The following NOL10 variants were observed in gnomAD, a reference collection of about 807,000 sequenced individuals.
The protein encoded by NOL10 is H_NH0074G24.1.
Under a neutral mutation model 103.5 loss-of-function variants are expected in NOL10, and 58 were observed. The ratio of observed to expected loss-of-function variants is 0.56; its 90% CI spans 0.45 to 0.70. The LOEUF is 0.70. NOL10 is among the 30% of genes least tolerant of loss of function. NOL10 has a pLI of 0.00. For synonymous variants in NOL10, 287 were observed against 282.5 expected (o/e 1.02, Z -0.16); for missense variants, 763 against 807.3 (o/e 0.95, Z 0.67).
intron 13 of NOL10, among the ~76,000 whole-genome samples, chr2:10,627,682 A>C (rs1473407235): frequency 7.0e-6 from 1 of 142,352 alleles, no homozygotes; most frequent in Non-Finnish European, 1.5e-5. Flanking sequence ...CTCAAAAAAA[A>C]CAAACAAACA....
intron 2 of NOL10, among the ~76,000 whole-genome samples, chr2:10,682,361 T>C (rs929307260): frequency 6.6e-6 from 1 of 151,782 alleles, no homozygotes; most frequent in East Asian, 1.9e-4. Flanking sequence ...GTATCAAACA[T>C]CCAGTGTTAC....
At chr2:10,609,258 C>A (rs1676421339) in intron 13 of NOL10, among the ~76,000 whole-genome samples, 1 of 142,898 alleles carries the variant, frequency 7.0e-6, no homozygotes, top group South Asian at 2.2e-4. Context: ...TTAAAAAAAA[C>A]TAGGGAAGGC....
At chr2:10,595,598 G>A (rs74171491) in intron 17 of NOL10, among the ~76,000 whole-genome samples, 2 of 78,130 alleles carry the variant, frequency 2.6e-5, no homozygotes, top group African/African-American at 8.6e-5. Flanking sequence ...GTTTTGTTTT[G>A]TTTTTGTTTG....
intron 17 of NOL10, among the ~76,000 whole-genome samples, chr2:10,598,819 T>C (rs1675832074): frequency 6.6e-6 from 1 of 152,136 alleles, no homozygotes; most frequent in African/African-American, 2.4e-5. Context: ...GAAAATAAAA[T>C]ACTCAATTAG....
Position 10,589,563 on chromosome 2 carries a change from TAAG to T in NOL10, c.1596+12_1596+14del, listed in dbSNP as rs759277291. 147 of 1,532,184 alleles carry T rather than the reference TAAG, an allele frequency of 9.6e-5. No homozygotes were observed. Among genetic ancestry groups the T allele is most frequent in the Admixed American group, 1.6e-4 (7 of 45,114 alleles). The allele number at this position is 1,532,184 out of a possible 1,614,324, so 94.9% of individuals were successfully genotyped here. A position where few individuals can be genotyped will look rare whatever the true frequency, so the allele number is the denominator to read the frequency against. On this transcript the variant is annotated intron_variant, in intron 18 of 20. Coordinates refer to ENST00000381685, the MANE Select transcript of NOL10 (RefSeq NM_024894.4). ...AGAAACAGTAGCAAATTCTAACTGA[TAAG>T]GAGTACATTACTTTTTCACGAAGTT...
intron 12 of NOL10, among the ~76,000 whole-genome samples, chr2:10,649,683 G>A (rs1464919530): frequency 3.9e-5 from 6 of 152,028 alleles, no homozygotes; most frequent in Admixed American, 3.9e-4. Flanking sequence ...TAGTAATATG[G>A]ACCAGGGGTC....
chr2:10,601,556 G>A (rs1023264741), intron 16 of NOL10, among the ~76,000 whole-genome samples: 1 of 149,634 alleles, frequency 6.7e-6, no homozygotes, highest in Non-Finnish European at 1.5e-5. Flanking sequence ...GCTCATGACT[G>A]TAATCCCAGC....
intron 17 of NOL10, among the ~76,000 whole-genome samples, chr2:10,592,341 G>A (rs1675432770): frequency 6.6e-6 from 1 of 152,172 alleles, no homozygotes; most frequent in Non-Finnish European, 1.5e-5. Flanking sequence ...TCCATCACTG[G>A]AGAGCATTAG....
intron 13 of NOL10, among the ~76,000 whole-genome samples, chr2:10,612,129 C>CAATAAA (rs954891659): frequency 3.3e-5 from 5 of 151,608 alleles, no homozygotes; most frequent in Admixed American, 6.6e-5. Context: ...TCTCTAAGAA[C>CAATAAA]AATAAAAATA....
chr2:10,624,174 TTTTC>T (rs1173414784), intron 13 of NOL10, among the ~76,000 whole-genome samples: 1 of 151,318 alleles, frequency 6.6e-6, no homozygotes, highest in East Asian at 1.9e-4. Flanking sequence ...TAGATTTTTC[TTTTC>T]TTTTTTTTTT....
intron 19 of NOL10, 30 bp downstream of exon 19, chr2:10,589,013 T>C (rs1178580656): frequency 6.2e-7 from 1 of 1,609,898 alleles, no homozygotes; most frequent in Admixed American, 1.7e-5. Flanking sequence ...TGGTTACATG[T>C]CAACTGTGCG....
intron 3 of NOL10, among the ~76,000 whole-genome samples, chr2:10,679,614 CTCTCTTTCTCTCTCTTTCTT>C (rs1204269438): frequency 3.6e-5 from 5 of 139,676 alleles, no homozygotes; most frequent in South Asian, 2.2e-4. Context: ...CTCTCTTTCT[CTCTCTTTCTCTCTCTTTCTT>C]TCTTTCTTTG....
intron 14 of NOL10, among the ~76,000 whole-genome samples, chr2:10,603,679 T>C (rs367603684): frequency 2.0e-5 from 3 of 152,344 alleles, no homozygotes; most frequent in South Asian, 2.1e-4. Context: ...ATATCACATA[T>C]GCACTCCTCA....
In NOL10 at chr2:10,587,260, C is replaced by CAT. The variant is rs1298666585; in HGVS notation, c.1844+1781_1844+1782dup. ...ATATACATACATATATATATATACA[C>CAT]ATATATATATATATATTTTTTTTTT... is the stretch of plus-strand genomic sequence containing the variant. On this transcript the variant is annotated intron_variant, in intron 19 of 20. Transcript: ENST00000381685. Among the ~76,000 whole-genome samples the CAT allele has an allele frequency of 4.5e-4, 10 of 22,456 alleles. 2 individuals carry two copies. Among genetic ancestry groups the CAT allele is most frequent in the South Asian group, 2.0e-3 (3 of 1,498 alleles). The allele number at this position is 22,456 out of a possible 152,430, so 14.7% of individuals were successfully genotyped here. A position where few individuals can be genotyped will look rare whatever the true frequency, so the allele number is the denominator to read the frequency against.
intron 13 of NOL10, among the ~76,000 whole-genome samples, chr2:10,637,852 A>AT (rs1400143262): frequency 5.3e-5 from 8 of 152,236 alleles, no homozygotes; most frequent in African/African-American, 1.9e-4. Context: ...TAACCGCCTC[A>AT]TTTGCAGGCT....
chr2:10,576,912 G>GA (rs1674479127), intron 20 of NOL10, among the ~76,000 whole-genome samples: 1 of 136,632 alleles, frequency 7.3e-6, no homozygotes, highest in Non-Finnish European at 1.7e-5. Context: ...TACTGCTTAA[G>GA]GAAAAAAAAA....
chr2:10,655,347 A>G (rs1411058449), intron 11 of NOL10, among the ~76,000 whole-genome samples: 1 of 152,144 alleles, frequency 6.6e-6, no homozygotes, highest in African/African-American at 2.4e-5. Flanking sequence ...GAGGAGAGAG[A>G]TGGCCAGCAT....
At chr2:10,673,008 T>G (rs35502094) in intron 5 of NOL10, among the ~76,000 whole-genome samples, 16,773 of 151,920 alleles carry the variant, frequency 0.11, 1,091 homozygotes, top group Admixed American at 0.17. Flanking sequence ...AAAAAAGAGT[T>G]GAAAGATGGA....
intron 13 of NOL10, among the ~76,000 whole-genome samples, chr2:10,610,063 A>G (rs1400510831): frequency 6.6e-6 from 1 of 152,234 alleles, no homozygotes; most frequent in African/African-American, 2.4e-5. Context: ...TTATTCAGAC[A>G]AAAACACTCA....
Sources: allele counts gnomAD v4.1 joint callset (sites outside exome capture counted in the v4.1 genomes callset), GRCh38; gene constraint gnomAD v4.1.1; transcripts MANE v1.5; gene names NCBI Gene and HGNC (gene_info 2026-07-23, HGNC 2026-07-21).